Variants in TANC2 observed in about 807,000 individuals in gnomAD.
TANC2 encodes protein TANC2.
In TANC2, 26 loss-of-function variants were observed where a neutral mutation model predicts 210.5. The ratio of observed to expected loss-of-function variants is 0.12; its 90% CI spans 0.09 to 0.17. The LOEUF is 0.17. Ranked by LOEUF, TANC2 falls within the 10% of genes least tolerant of loss-of-function variation. TANC2 has a pLI of 1.00. For synonymous variants in TANC2, 931 were observed against 967.1 expected (o/e 0.96, Z 0.69); for missense variants, 2,129 against 2,608.9 (o/e 0.82, Z 4.01).
At chr17:63,169,084 G>C (rs1485505192) in intron 5 of TANC2, among the ~76,000 whole-genome samples, 1 of 152,156 alleles carries the variant, frequency 6.6e-6, no homozygotes, top group East Asian at 1.9e-4. Context: ...AGTGGTGTTG[G>C]AGAAATGGTC....
chr17:63,019,670 A>G (rs75044197), intron 2 of TANC2, among the ~76,000 whole-genome samples: 3,092 of 152,310 alleles, frequency 0.02, 43 homozygotes, highest in South Asian at 0.037. Flanking sequence ...TAGAATATCT[A>G]TCACCTGAAT....
At position 63,307,675 on chromosome 17, in the gene TANC2, A is replaced by G. The variant is rs553304900; in HGVS notation, c.1160-6713A>G. Among the ~76,000 whole-genome samples, 23 of 152,330 alleles carry G rather than the reference A, an allele frequency of 1.5e-4. No homozygotes were observed. The South Asian group carries it at 4.6e-3, about 30-fold the overall frequency. On this transcript the variant is annotated intron_variant, in intron 9 of 27. Transcript: ENST00000689528. The stretch of plus-strand genomic sequence containing the variant: ...TGTGGTTCTTTGATTTTCTATAGAG[A>G]TTAATTCAGTGAACAATTTTGTTTA...
chr17:63,183,966 G>A (rs974762352), intron 5 of TANC2, among the ~76,000 whole-genome samples: 7 of 151,506 alleles, frequency 4.6e-5, no homozygotes, highest in South Asian at 2.1e-4. Flanking sequence ...GCAGTGAGCC[G>A]AGATCGCGCC....
chr17:63,115,505 C>T (rs949813707), intron 4 of TANC2, among the ~76,000 whole-genome samples: 8 of 152,072 alleles, frequency 5.3e-5, no homozygotes, highest in African/African-American at 1.2e-4. Context: ...AACGCTAGTC[C>T]GCAGTATCTG....
At chr17:63,351,185 A>C in intron 12 of TANC2, 65 bp from the exon 13 acceptor site, 1 of 1,372,926 alleles carries the variant, frequency 7.3e-7, no homozygotes, top group East Asian at 2.4e-5. Flanking sequence ...ATGTGATCAA[A>C]GATCCAGTAA....
At chr17:63,219,627 TCTTGAA>T (rs1355151859) in intron 7 of TANC2, among the ~76,000 whole-genome samples, 1 of 152,108 alleles carries the variant, frequency 6.6e-6, no homozygotes, top group Non-Finnish European at 1.5e-5. Flanking sequence ...GGTCGGTTGT[TCTTGAA>T]CTCCTGACCT....
intron 8 of TANC2, among the ~76,000 whole-genome samples, chr17:63,246,249 T>TTG (rs926702669): frequency 3.0e-4 from 46 of 151,470 alleles, no homozygotes; most frequent in African/African-American, 1.1e-3. Context: ...AGAACTTTTT[T>TTG]TTTTGTTTTT....
exon 28 of TANC2, chr17:63,426,948 AC>A (rs2049160654): frequency 6.6e-6 from 1 of 152,200 alleles, no homozygotes; most frequent in Admixed American, 6.5e-5. Flanking sequence ...ACTTGAATGT[AC>A]CTGCCTTATT....
At chr17:63,226,605 A>C (rs2042334398) in intron 7 of TANC2, among the ~76,000 whole-genome samples, 1 of 152,178 alleles carries the variant, frequency 6.6e-6, no homozygotes. Flanking sequence ...TTTTTAATTT[A>C]ATTTTTTAAA....
intron 17 of TANC2, among the ~76,000 whole-genome samples, chr17:63,393,770 A>T (rs1263759439): frequency 3.3e-4 from 42 of 127,306 alleles, no homozygotes; most frequent in African/African-American, 1.1e-3. Context: ...TATTATTATT[A>T]TTATTATTTT....
At chr17:63,044,069 G>A (rs1208937895) in intron 2 of TANC2, among the ~76,000 whole-genome samples, 1 of 151,804 alleles carries the variant, frequency 6.6e-6, no homozygotes, top group Non-Finnish European at 1.5e-5. Flanking sequence ...TCTCTATTTT[G>A]CGTTAAGAAT....
chr17:63,189,989 C>G (rs774523744), intron 5 of TANC2, among the ~76,000 whole-genome samples: 1 of 152,066 alleles, frequency 6.6e-6, no homozygotes, highest in African/African-American at 2.4e-5. Flanking sequence ...GTCCCAACAC[C>G]GTTGAAGAGA....
At chr17:63,196,561 T>A (rs2041353228) in intron 6 of TANC2, among the ~76,000 whole-genome samples, 2 of 152,206 alleles carry the variant, frequency 1.3e-5, no homozygotes, top group South Asian at 4.1e-4. Context: ...ACCTTACTTG[T>A]ACATTACTGA....
intron 2 of TANC2, among the ~76,000 whole-genome samples, chr17:63,026,937 G>A (rs1342362993): frequency 2.6e-5 from 4 of 152,084 alleles, no homozygotes; most frequent in African/African-American, 4.8e-5. Flanking sequence ...ATCCCTCCAT[G>A]TTGGTAAAGA....
At chr17:63,259,037 A>C (rs1045626393) in intron 8 of TANC2, among the ~76,000 whole-genome samples, 1 of 152,148 alleles carries the variant, frequency 6.6e-6, no homozygotes, top group African/African-American at 2.4e-5. Context: ...ATAATCAACA[A>C]ATAATGAATC....
intron 2 of TANC2, among the ~76,000 whole-genome samples, chr17:63,064,932 CA>C (rs1315619685): frequency 1.3e-5 from 2 of 151,610 alleles, no homozygotes; most frequent in Non-Finnish European, 2.9e-5. Context: ...AAGAATTATG[CA>C]GTGCACTATT....
At chr17:63,004,257 C>T (rs2033512650) in intron 1 of TANC2, among the ~76,000 whole-genome samples, 1 of 152,182 alleles carries the variant, frequency 6.6e-6, no homozygotes, top group Non-Finnish European at 1.5e-5. Context: ...CTGGAAGGTT[C>T]AGATTGCCTG....
rs1429628399 is a variant in TANC2 at position 63,311,976 on chromosome 17, T to C, written c.1160-2412T>C. Among the ~76,000 whole-genome samples, 7 of 152,158 alleles carry C rather than the reference T, an allele frequency of 4.6e-5. No homozygotes were observed. The East Asian group carries it at 1.3e-3, about 29-fold the overall frequency. ...TGACAGCTAATAGATACAGGATTTC[T>C]TTGGGGGTGATGAAGGTATTCGGGA... On this transcript the variant is annotated intron_variant, in intron 9 of 27. Transcript: ENST00000689528.
chr17:63,216,144 G>A (rs533659793), intron 7 of TANC2, among the ~76,000 whole-genome samples: 12 of 152,254 alleles, frequency 7.9e-5, no homozygotes, highest in African/African-American at 2.6e-4. Flanking sequence ...CACCTGCTGG[G>A]TTTAAGTGAT....
Sources: allele counts gnomAD v4.1 joint callset (sites outside exome capture counted in the v4.1 genomes callset), GRCh38; gene constraint gnomAD v4.1.1; transcripts MANE v1.5; gene names NCBI Gene and HGNC (gene_info 2026-07-23, HGNC 2026-07-21).